The following SLC6A5 variants were observed in gnomAD, a reference collection of about 807,000 sequenced individuals.
The protein encoded by SLC6A5 is solute carrier family 6 member 5.
In SLC6A5, 58 loss-of-function variants were observed where a neutral mutation model predicts 90.5. That is an observed-to-expected ratio of 0.64 (90% CI 0.52 to 0.80). SLC6A5 has a LOEUF of 0.80. Among genes scored for constraint, SLC6A5 ranks in the 30% least tolerant of loss-of-function variants. The pLI, the probability that SLC6A5 is intolerant of heterozygous loss-of-function variation, is 0.00. For missense variants in SLC6A5, 1,015 were observed against 1,017.6 expected (o/e 1.00, Z 0.03); for synonymous variants, 427 against 401.4 (o/e 1.06, Z -0.76).
chr11:20,622,642 C>T (rs1288614930), intron 7 of SLC6A5, among the ~76,000 whole-genome samples: 1 of 152,170 alleles, frequency 6.6e-6, no homozygotes, highest in Non-Finnish European at 1.5e-5. Context: ...GACAAATATA[C>T]CTGGCCACAG....
chr11:20,635,557 A>G (rs1413951831), intron 10 of SLC6A5, among the ~76,000 whole-genome samples: 1 of 152,202 alleles, frequency 6.6e-6, no homozygotes, highest in Non-Finnish European at 1.5e-5. Flanking sequence ...ATACTAATGC[A>G]TGCCAGACTT....
chr11:20,620,695 G>C (rs1035505750), intron 7 of SLC6A5, among the ~76,000 whole-genome samples: 2 of 152,240 alleles, frequency 1.3e-5, no homozygotes, highest in African/African-American at 4.8e-5. Context: ...TGTCAAGGTA[G>C]AGTAAATTGC....
In SLC6A5 at chr11:20,601,447, C is replaced by T. The variant is rs774582809; in HGVS notation, c.322C>T (p.Pro108Ser). 1 of 1,608,480 alleles carries T rather than the reference C, an allele frequency of 6.2e-7. No individual in the cohort carries two copies. Among genetic ancestry groups the T allele is most frequent in the Non-Finnish European group, 8.5e-7 (1 of 1,177,656 alleles). Reference sequence around the variant, plus strand: ...GGCGCAAGGCGCGCAGGCCTCGCCCCCTCCCGGGAGCTCCGGGCCCGGCAA... The same window carrying T: ...GGCGCAAGGCGCGCAGGCCTCGCCCTCTCCCGGGAGCTCCGGGCCCGGCAA... ...REAQGAQASP[P>S]PGSSGPGNAL... The change falls in exon 2 of 16, where the codon CCT becomes TCT. Residue 108 changes from proline (P) to serine (S), a missense_variant. Pro to Ser is a moderately conservative substitution (Grantham distance 74). Transcript: ENST00000525748.
At chr11:20,619,314 C>G (rs181910658) in intron 7 of SLC6A5, among the ~76,000 whole-genome samples, 4 of 152,194 alleles carry the variant, frequency 2.6e-5, no homozygotes, top group Non-Finnish European at 5.9e-5. Context: ...CCACATAGAC[C>G]GAACTGTCTT....
chr11:20,606,367 A>G (rs745530965), intron 3 of SLC6A5, among the ~76,000 whole-genome samples: 1 of 152,218 alleles, frequency 6.6e-6, no homozygotes, highest in Admixed American at 6.5e-5. Context: ...CTCAGAAGGG[A>G]GACTTCTTGG....
intron 2 of SLC6A5, among the ~76,000 whole-genome samples, chr11:20,602,738 C>T (rs1852503820): frequency 6.6e-6 from 1 of 152,218 alleles, no homozygotes; most frequent in African/African-American, 2.4e-5. Flanking sequence ...CACAGGCCCA[C>T]ATAGCAGGAG....
At chr11:20,642,785 T>G (rs1853338288) in intron 13 of SLC6A5, among the ~76,000 whole-genome samples, 1 of 152,078 alleles carries the variant, frequency 6.6e-6, no homozygotes, top group African/African-American at 2.4e-5. Flanking sequence ...AGGGCCTGGG[T>G]GCTGGGAGTG....
chr11:20,600,198 C>G (rs1417444430), intron 1 of SLC6A5, among the ~76,000 whole-genome samples: 1 of 152,010 alleles, frequency 6.6e-6, no homozygotes, highest in African/African-American at 2.4e-5. Flanking sequence ...GAAAAACCAC[C>G]GCTGGCAGTT....
chr11:20,627,954 G>T lies in SLC6A5; in HGVS notation c.1396-26G>T, dbSNP rs778110832. ...GGCGCCAGTCTCCTTCATGGGTCTT[G>T]AATCTCTTTCCCTTTTGCCTCTCAG... On this transcript the variant is annotated intron_variant, in intron 8 of 15. Transcript: ENST00000525748. 16 of 1,582,794 alleles carry T rather than the reference G, an allele frequency of 1.0e-5. No homozygotes were observed. The South Asian group carries it at 1.4e-4, about 14-fold the overall frequency.
intron 14 of SLC6A5, among the ~76,000 whole-genome samples, chr11:20,648,102 G>A (rs1392181081): frequency 6.6e-6 from 1 of 151,912 alleles, no homozygotes; most frequent in African/African-American, 2.4e-5. Context: ...ATCCTCCTCT[G>A]TGGCTTGTAC....
chr11:20,618,945 GACACACACACACAC>G (rs68111718), intron 7 of SLC6A5, among the ~76,000 whole-genome samples: 64,662 of 148,646 alleles, frequency 0.44, 14,435 homozygotes, highest in African/African-American at 0.51. Flanking sequence ...TGTCCCGCCC[GACACACACACACAC>G]ACACACACAC....
chr11:20,642,250 A>C (rs1251097822), intron 13 of SLC6A5, among the ~76,000 whole-genome samples: 3 of 147,152 alleles, frequency 2.0e-5, no homozygotes, highest in African/African-American at 7.4e-5. Flanking sequence ...CAGGAGGGAG[A>C]GCAGCCCCCA....
chr11:20,607,398 T>C (rs1182319705), intron 4 of SLC6A5, 81 bp from the exon 5 acceptor site: 5 of 1,516,396 alleles, frequency 3.3e-6, no homozygotes, highest in Non-Finnish European at 4.6e-6. Context: ...AGCCTAGACC[T>C]AGGTCCCCAC....
At chr11:20,627,797 T>C (rs1265530068) in intron 8 of SLC6A5, among the ~76,000 whole-genome samples, 183 bp from the exon 9 acceptor site, 3 of 152,156 alleles carry the variant, frequency 2.0e-5, no homozygotes, top group Non-Finnish European at 4.4e-5. Context: ...ATCTCCCAGG[T>C]AATTGACTAT....
In SLC6A5 at chr11:20,630,943, T is replaced by A; in HGVS notation, c.1624+128T>A. The A allele has an allele frequency of 2.8e-6, 3 of 1,061,574 alleles. No individual in the cohort carries two copies. The South Asian group carries it at 4.0e-5, about 14-fold the overall frequency. The allele number at this position is 1,061,574 out of a possible 1,614,324, so 65.8% of individuals were successfully genotyped here. ...TAGAGGGTGGAGGAGCCCAGGTCCTTCTTTACAGAGGGACCAAGGCAGGCT... is the reference window on the plus strand; with the variant it reads ...TAGAGGGTGGAGGAGCCCAGGTCCTACTTTACAGAGGGACCAAGGCAGGCT... On this transcript the variant is annotated intron_variant, in intron 10 of 15. Coordinates refer to ENST00000525748, the MANE Select transcript of SLC6A5 (RefSeq NM_004211.5).
At chr11:20,630,013 G>A (rs75815781) in intron 9 of SLC6A5, among the ~76,000 whole-genome samples, 4,366 of 152,236 alleles carry the variant, frequency 0.029, 236 homozygotes, top group African/African-American at 0.098. Flanking sequence ...ATGAGCCACC[G>A]TGCCCGGCTG....
intron 14 of SLC6A5, among the ~76,000 whole-genome samples, chr11:20,651,252 C>T (rs1302372977): frequency 1.6e-5 from 2 of 126,208 alleles, no homozygotes; most frequent in Non-Finnish European, 1.7e-5. Context: ...CTCCCCTCCC[C>T]TCCTCTCCCC....
intron 7 of SLC6A5, among the ~76,000 whole-genome samples, chr11:20,626,306 G>A (rs189967970): frequency 1.3e-3 from 191 of 152,282 alleles, no homozygotes; most frequent in African/African-American, 4.2e-3. Flanking sequence ...TATAAACAGG[G>A]ATGGAAAGCT....
At chr11:20,605,918 G>C (rs1447821391) in intron 3 of SLC6A5, among the ~76,000 whole-genome samples, 1 of 152,206 alleles carries the variant, frequency 6.6e-6, no homozygotes, top group African/African-American at 2.4e-5. Flanking sequence ...GGCTGCCCCT[G>C]GGCCTTCCTG....
Sources: gnomAD v4.1 joint callset for allele counts (sites outside exome capture counted in the v4.1 genomes callset) on GRCh38, gnomAD v4.1.1 for gene constraint, MANE v1.5 for transcripts, NCBI Gene and HGNC (gene_info 2026-07-23, HGNC 2026-07-21) for gene names.